Variants in PLK2 observed in about 807,000 individuals in gnomAD.
PLK2 encodes the protein polo like kinase 2.
A neutral mutation model predicts 78.1 loss-of-function variants in PLK2; 25 were observed. The ratio of observed to expected loss-of-function variants is 0.32; its 90% CI spans 0.23 to 0.45. PLK2 has a LOEUF of 0.45. PLK2 is among the 20% of genes least tolerant of loss of function. The probability of loss-of-function intolerance (pLI) is 1.00; values close to 1 mark genes in which losing one functional copy is unlikely to be tolerated. For synonymous variants in PLK2, 332 were observed against 298.2 expected, an observed-to-expected ratio of 1.11 and a Z score of -1.17; for missense variants, 566 against 840.2, an observed-to-expected ratio of 0.67 and a Z score of 4.04.
rs1027086415 is a variant in PLK2, at chr5:58,460,042, T to C, written c.-83A>G. ...GAGCCGGCCGTGGTCCTCGCACCCT[T>C]GCCTCTGGTGCCGACTAGCACCCAA... On this transcript the variant is annotated 5_prime_UTR_variant, in exon 1 of 14. Transcript: ENST00000274289. The C allele has an allele frequency of 6.8e-7, 1 of 1,465,494 alleles. No homozygotes were observed. 90.8% of individuals were successfully genotyped at this position (1,465,494 alleles called of 1,614,324 possible). A position where few individuals can be genotyped will look rare whatever the true frequency, so the allele number is the denominator to read the frequency against.
intron 1 of PLK2, 31 bp downstream of exon 1, chr5:58,459,659 G>A: frequency 6.6e-7 from 1 of 1,519,540 alleles, no homozygotes; most frequent in Non-Finnish European, 8.8e-7. Context: ...CCTCCCGCCC[G>A]CCCGGCAGCC....
chr5:58,454,871 T>C, intron 13 of PLK2, 40 bp downstream of exon 13: 1 of 1,496,666 alleles, frequency 6.7e-7, no homozygotes, highest in Non-Finnish European at 9.3e-7. Flanking sequence ...ATCTTTCTGT[T>C]TAGGACCTAA....
chr5:58,456,885 T>C, intron 8 of PLK2, 60 bp downstream of exon 8: 1 of 1,147,060 alleles, frequency 8.7e-7, no homozygotes, highest in Admixed American at 2.4e-5. Flanking sequence ...TTTTAACTAA[T>C]TTACCAAATT....
chr5:58,455,821 T>C, intron 10 of PLK2, 42 bp from the exon 11 acceptor site: 3 of 1,604,578 alleles, frequency 1.9e-6, no homozygotes, highest in South Asian at 2.2e-5. Flanking sequence ...TACAATATTT[T>C]AGCAATAAAA....
rs143688606 is a variant in PLK2 at position 58,456,088 on chromosome 5, A to G, written c.1322T>C (p.Ile441Thr). 5.6e-6 allele frequency: 9 copies of G among 1,613,684 alleles called. No individual in the cohort carries two copies. Among genetic ancestry groups the G allele is most frequent in the South Asian group, 1.1e-5 (1 of 91,082 alleles). Reference protein sequence around the residue: ...GTPAVENKQQIGDAIRMIVRG... With the variant: ...GTPAVENKQQTGDAIRMIVRG... ...GACTATCATCCGAATAGCATCCCCA[A>G]TCTGCTGCTTGTTTTCTACTGCGGG... is the stretch of plus-strand genomic sequence containing the variant. Residue 441 changes from isoleucine (I) to threonine (T), a missense_variant, in exon 10 of 14, where the codon ATT (isoleucine) becomes ACT (threonine). By Grantham distance (89) the Ile-to-Thr change is moderately conservative (BLOSUM62 -1). Around this residue, in one of 5 missense-constraint regions of PLK2, gnomAD observed 129 missense variants for 156.0 expected, o/e 0.83. Coordinates refer to ENST00000274289, the MANE Select transcript of PLK2 (RefSeq NM_006622.4).
At chr5:58,457,867 G>A in intron 5 of PLK2, 1 of 598,370 alleles carries the variant, frequency 1.7e-6, no homozygotes, top group South Asian at 2.1e-5. Context: ...TACATTTTAA[G>A]CCAAGAAAAG....
At chr5:58,456,859 C>A in intron 8 of PLK2, 86 bp downstream of exon 8, 2 of 858,556 alleles carry the variant, frequency 2.3e-6, no homozygotes, top group Non-Finnish European at 1.8e-6. Flanking sequence ...CCAAGTTATG[C>A]TAATATAAAA....
chr5:58,459,455 G>C (rs920169979), intron 1 of PLK2: 1 of 568,590 alleles, frequency 1.8e-6, no homozygotes, highest in Non-Finnish European at 3.1e-6. Context: ...GACTCAAGAT[G>C]CATTTCTCTG....
intron 2 of PLK2, 50 bp downstream of exon 2, chr5:58,458,935 G>A (rs1435832560): frequency 2.3e-6 from 3 of 1,331,950 alleles, no homozygotes; most frequent in South Asian, 1.2e-5. Flanking sequence ...TAACAGGGAA[G>A]GGCCATCCTT....
rs760897055 is a variant in PLK2, at chr5:58,459,729, C to T, written c.231G>A (p.Thr77=). The change falls in exon 1 of 14, where the codon ACG becomes ACA. Residue 77 remains threonine (T), a synonymous_variant. Coordinates refer to ENST00000274289, the MANE Select transcript of PLK2 (RefSeq NM_006622.4). ...PEISRIIVDP[T]TGKRYCRGKV... ...TGCCCCGGCAGTAGCGCTTCCCAGT[C>T]GTGGGGTCGACGATAATCCGCGAGA... The T allele has an allele frequency of 1.9e-6, 3 of 1,604,752 alleles. No individual in the cohort carries two copies. The highest frequency in any genetic ancestry group is 2.2e-5 in the South Asian group (2 of 90,886).
chr5:58,457,169 T>C lies in PLK2; in HGVS notation c.1008+12A>G, dbSNP rs369959386. On this transcript the variant is annotated intron_variant, in intron 7 of 13. Coordinates refer to ENST00000274289, the MANE Select transcript of PLK2 (RefSeq NM_006622.4). The stretch of plus-strand genomic sequence containing the variant: ...ATACCAGGTAATTAAAAAAAAAAGA[T>C]AGTGCACCAACCTGCAAAAAAAAGT... The C allele has an allele frequency of 1.9e-5, 30 of 1,611,570 alleles. No individual in the cohort carries two copies. Among genetic ancestry groups the C allele is most frequent in the African/African-American group, 6.7e-5 (5 of 74,660 alleles).
intron 1 of PLK2, 39 bp downstream of exon 1, chr5:58,459,651 T>TGCCC: frequency 6.6e-7 from 1 of 1,511,676 alleles, no homozygotes; most frequent in Non-Finnish European, 8.9e-7. Context: ...CGGACAGACC[T>TGCCC]CCCGCCCGCC....
chr5:58,454,682 T>G lies in PLK2; in HGVS notation c.1959A>C (p.Thr653=), dbSNP rs1300920934. The G allele has an allele frequency of 1.9e-6, 3 of 1,613,648 alleles. No homozygotes were observed. In the African/African-American group the frequency reaches 4.0e-5, roughly 22 times the overall value. The stretch of plus-strand genomic sequence containing the variant: ...TCAGCAGAGTTGTCAGCCTGAAAGT[T>G]GTAGATATCCTATCCTCATTGATGT... ...LTYINEDRIS[T]TFRLTTLLMS... The change falls in exon 14 of 14, where the codon ACA becomes ACC. Residue 653 remains threonine, a synonymous_variant. Transcript: ENST00000274289.
At chr5:58,459,468 C>T (rs1743696989) in intron 1 of PLK2, 2 of 573,834 alleles carry the variant, frequency 3.5e-6, no homozygotes, top group Non-Finnish European at 6.1e-6. Flanking sequence ...TTTCTCTGGG[C>T]TGCGGGAGAC....
At chr5:58,454,797 T>A (rs772560208) in intron 13 of PLK2, 23 bp from the exon 14 acceptor site, 8 of 1,550,428 alleles carry the variant, frequency 5.2e-6, no homozygotes, top group Non-Finnish European at 7.1e-6. Context: ...ACATAGACAT[T>A]AGATCTCTCA....
intron 9 of PLK2, 91 bp from the exon 10 acceptor site, chr5:58,456,246 C>G: frequency 7.9e-7 from 1 of 1,263,556 alleles, no homozygotes; most frequent in South Asian, 1.4e-5. Flanking sequence ...GAGGCAATTG[C>G]TGGGAAAGCT....
chr5:58,457,259 T>C lies in PLK2; in HGVS notation c.930A>G (p.Leu310=), dbSNP rs1743633377. 1 of 1,613,996 alleles carries C rather than the reference T, an allele frequency of 6.2e-7. No homozygotes were observed. Among genetic ancestry groups the C allele is most frequent in the Non-Finnish European group, 8.5e-7 (1 of 1,180,008 alleles). The part of the protein sequence containing the change: ...PSSLLAPAKH[L]IASMLSKNPE... Reference sequence around the variant, plus strand: ...GGTTTTTGGACAACATACTAGCAATTAAGTGCTTGGCAGGAGCCAGCAATG... The same window carrying C: ...GGTTTTTGGACAACATACTAGCAATCAAGTGCTTGGCAGGAGCCAGCAATG... Residue 310 remains leucine (L), a synonymous_variant, in exon 7 of 14, where the codon TTA becomes TTG. Coordinates refer to ENST00000274289, the MANE Select transcript of PLK2 (RefSeq NM_006622.4).
At chr5:58,455,147 C>T in intron 12 of PLK2, 126 bp from the exon 13 acceptor site, 2 of 1,182,912 alleles carry the variant, frequency 1.7e-6, no homozygotes, top group Non-Finnish European at 2.5e-6. Flanking sequence ...TCCCTGCCTC[C>T]ACCTCCCGGA....
intron 1 of PLK2, chr5:58,459,335 G>A (rs2111715297): frequency 1.7e-6 from 1 of 576,104 alleles, no homozygotes; most frequent in Non-Finnish European, 3.0e-6. Flanking sequence ...CTTTATGGAG[G>A]GAGTTGGAAC....
Sources: gnomAD v4.1 joint callset for allele counts on GRCh38, gnomAD v4.1.1 for gene constraint, gnomAD v4.1.1 regional missense constraint, MANE v1.5 for transcripts, NCBI Gene and HGNC (gene_info 2026-07-23, HGNC 2026-07-21) for gene names.